CHD4: variants seen among roughly 807,000 people sequenced by gnomAD.
CHD4 encodes chromodomain helicase DNA binding protein 4.
In CHD4, 35 loss-of-function variants were observed where a neutral mutation model predicts 235.5. The ratio of observed to expected loss-of-function variants is 0.15; its 90% CI spans 0.11 to 0.20. CHD4 has a LOEUF of 0.20. Among genes scored for constraint, CHD4 ranks in the 10% least tolerant of loss-of-function variants. CHD4 has a pLI of 1.00. For synonymous variants in CHD4, 900 were observed against 850.2 expected (o/e 1.06, Z -1.02); for missense variants, 1,329 against 2,432.3 (o/e 0.55, Z 9.54).
chr12:6,573,295 G>T lies in CHD4; in HGVS notation c.5362-26C>A, dbSNP rs561461442. On this transcript the variant is annotated intron_variant, in intron 37 of 39. Coordinates refer to ENST00000544040, the MANE Select transcript of CHD4 (RefSeq NM_001273.5). Reference sequence around the variant, plus strand: ...CTGGACAAGGGATAAGAGGAAACGGGAGTTCGACTGATAACTCACTTTACT... The same window carrying T: ...CTGGACAAGGGATAAGAGGAAACGGTAGTTCGACTGATAACTCACTTTACT... 5.3e-6 allele frequency: 8 copies of T among 1,506,032 alleles called. No individual in the cohort carries two copies. In the South Asian group the frequency reaches 1.1e-4, roughly 21 times the overall value. The allele number at this position is 1,506,032 out of a possible 1,614,324, so 93.3% of individuals were successfully genotyped here.
rs543359652 is a variant in CHD4, at chr12:6,579,754, A to C, written c.4910-837T>G. On this transcript the variant is annotated intron_variant, in intron 33 of 39. Coordinates refer to ENST00000544040, the MANE Select transcript of CHD4 (RefSeq NM_001273.5). ...TGACAGAGTAAGACTCCGTCTCAAAAAAAAAAAAAAAAAAAATTTTGGCCA... is the reference window on the plus strand; with the variant it reads ...TGACAGAGTAAGACTCCGTCTCAAACAAAAAAAAAAAAAAAATTTTGGCCA... Among the ~76,000 whole-genome samples, 481 of 144,892 alleles carry C rather than the reference A, an allele frequency of 3.3e-3. 2 individuals carry two copies. Among genetic ancestry groups the C allele is most frequent in the Middle Eastern group, 7.9e-3 (2 of 254 alleles).
rs1948111028 is a variant in CHD4 at position 6,578,482 on chromosome 12, G to A, written c.5046C>T (p.Asp1682=). Reference sequence around the variant, plus strand: ...TTTTCTTCTGTTTCTCATCATTCAGGTCCTTGGGGGTCTCTCCATTCTGAA... The same window carrying A: ...TTTTCTTCTGTTTCTCATCATTCAGATCCTTGGGGGTCTCTCCATTCTGAA... The part of the protein sequence containing the change: ...VMLQNGETPK[D]LNDEKQKKNI... The change falls in exon 35 of 40, where the codon GAC becomes GAT. Residue 1682 remains aspartate, a synonymous_variant. Transcript: ENST00000544040. 2.5e-6 allele frequency: 4 copies of A among 1,613,702 alleles called. No individual in the cohort carries two copies. The highest frequency in any genetic ancestry group is 3.4e-6 in the Non-Finnish European group (4 of 1,179,950).
intron 25 of CHD4, chr12:6,584,231 TA>T: frequency 6.6e-6 from 1 of 152,312 alleles, no homozygotes; most frequent in South Asian, 2.1e-4. Flanking sequence ...AGTCTTTGGG[TA>T]CATATATGTG....
intron 31 of CHD4, 104 bp from the exon 32 acceptor site, chr12:6,581,492 T>C: frequency 6.6e-7 from 1 of 1,517,290 alleles, no homozygotes; most frequent in Non-Finnish European, 9.2e-7. Context: ...CTCGTGCCTT[T>C]AAGAGCCAGC....
intron 39 of CHD4, 63 bp downstream of exon 39, chr12:6,570,806 A>G (rs977443522): frequency 1.6e-5 from 25 of 1,612,010 alleles, no homozygotes; most frequent in Non-Finnish European, 1.8e-5. Flanking sequence ...GACATACAGC[A>G]AAGTTACAAG....
chr12:6,571,053 G>C, intron 38 of CHD4, 21 bp from the exon 39 acceptor site: 1 of 1,610,732 alleles, frequency 6.2e-7, no homozygotes. Flanking sequence ...AGAAAAAGAG[G>C]TGGTGAGCTG....
Position 6,570,149 on chromosome 12 carries a change from GTTTT to G in CHD4, c.*523_*526del, listed in dbSNP as rs1321895564. On this transcript the variant is annotated 3_prime_UTR_variant, in exon 40 of 40. Coordinates refer to ENST00000544040, the MANE Select transcript of CHD4 (RefSeq NM_001273.5). ...TTTGCTGTGGTTTTTTATGCTTTTG[GTTTT>G]TTCCTTTTTTTTTTTTTCCACTTTA... The G allele has an allele frequency of 6.6e-6, 1 of 150,666 alleles. No individual in the cohort carries two copies. Among genetic ancestry groups the G allele is most frequent in the Non-Finnish European group, 1.5e-5 (1 of 68,094 alleles). The allele number at this position is 150,666 out of a possible 1,614,324, so 9.3% of individuals were successfully genotyped here. A position where few individuals can be genotyped will look rare whatever the true frequency, so the allele number is the denominator to read the frequency against.
In CHD4 at chr12:6,602,410, G is replaced by C. The variant is rs1382699926; in HGVS notation, c.188C>G (p.Pro63Arg). 5.0e-6 allele frequency: 8 copies of C among 1,613,932 alleles called. No individual in the cohort carries two copies. In the South Asian group the frequency reaches 6.6e-5, roughly 13 times the overall value. Residue 63 changes from proline (P) to arginine (R), a missense_variant, in exon 3 of 40, where the codon CCT becomes CGT. This residue lies in a region of CHD4 where 213 missense variants were observed against 177.5 expected (regional missense o/e 1.20). Coordinates refer to ENST00000544040, the MANE Select transcript of CHD4 (RefSeq NM_001273.5). The part of the protein sequence containing the change: ...KKKKPKKPRD[P>R]KIPKSKRQKK... ...TTGGCGCTTGCTCTTAGGGATTTTA[G>C]GGTCCCGAGGTTTCTTAGGCTTTTT...
chr12:6,588,506 A>G, intron 22 of CHD4, 84 bp from the exon 23 acceptor site: 1 of 1,492,886 alleles, frequency 6.7e-7, no homozygotes, highest in Non-Finnish European at 9.1e-7. Flanking sequence ...AGCCGGGGGC[A>G]GTGGCTCATG....
intron 2 of CHD4, among the ~76,000 whole-genome samples, chr12:6,603,478 G>A (rs1948633663): frequency 6.7e-6 from 1 of 149,520 alleles, no homozygotes; most frequent in South Asian, 2.1e-4. Context: ...GCTCCTGACC[G>A]CAGAAGCCAG....
chr12:6,578,739 G>T lies in CHD4; in HGVS notation c.4981+107C>A, dbSNP rs538798178. On this transcript the variant is annotated intron_variant, in intron 34 of 39. Transcript: ENST00000544040. ...GGGGACAGGTACAGTCTTTTATCTT[G>T]GGATAAAATGGCTAGATGAGTATGG... 4.4e-6 allele frequency: 6 copies of T among 1,350,768 alleles called. No homozygotes were observed. The Admixed American group carries it at 5.4e-5, about 12-fold the overall frequency. 83.7% of individuals were successfully genotyped at this position (1,350,768 alleles called of 1,614,324 possible).
chr12:6,595,788 CAAAAAA>C (rs141382153), intron 13 of CHD4, among the ~76,000 whole-genome samples: 1 of 82,526 alleles, frequency 1.2e-5, no homozygotes, highest in Non-Finnish European at 2.6e-5. Context: ...GACTTCGTCT[CAAAAAA>C]AAAAAAAAAA....
At chr12:6,591,185 T>C (rs1192704585) in intron 22 of CHD4, 1 of 228,034 alleles carries the variant, frequency 4.4e-6, no homozygotes, top group Non-Finnish European at 8.4e-6. Context: ...ACAAGTCTGC[T>C]AGTAACTTGC....
At position 6,596,441 on chromosome 12, in the gene CHD4, G is replaced by A. The variant is rs147099416; in HGVS notation, c.1893-304C>T. On this transcript the variant is annotated intron_variant, in intron 12 of 39. Transcript: ENST00000544040. ...GAGGCAGGCAGATCGCTTGAGGCCA[G>A]GAGCTCAAGACCAGCCAGGCCAACA... Among the ~76,000 whole-genome samples, 547 of 150,970 alleles carry A rather than the reference G, an allele frequency of 3.6e-3. 3 individuals carry two copies. The highest frequency in any genetic ancestry group is 0.013 in the African/African-American group (525 of 40,998).
chr12:6,572,860 A>C, intron 38 of CHD4: 1 of 438,830 alleles, frequency 2.3e-6, no homozygotes, highest in Non-Finnish European at 3.9e-6. Context: ...GCGCCCGGCC[A>C]GGAGTCCATC....
At position 6,595,418 on chromosome 12, in the gene CHD4, C is replaced by A; in HGVS notation, c.2037G>T (p.Arg679Ser). ...TCTTGCCTGGTCGGCCTTCCTCACC[C>A]CTCATTAACTCCCTAAAGAAGAAAG... ...QSYWNHRELMRGEEGRPGKKL... is the reference protein window; with the variant it reads ...QSYWNHRELMSGEEGRPGKKL... Residue 679 changes from arginine (R) to serine (S), a missense_variant, in exon 14 of 40, where the codon AGG becomes AGT. This residue lies in a region of CHD4 where 121 missense variants were observed against 177.8 expected (regional missense o/e 0.68). Coordinates refer to ENST00000544040, the MANE Select transcript of CHD4 (RefSeq NM_001273.5). The A allele has an allele frequency of 6.2e-7, 1 of 1,613,930 alleles. No individual in the cohort carries two copies. The highest frequency in any genetic ancestry group is 8.5e-7 in the Non-Finnish European group (1 of 1,179,888).
chr12:6,604,887 G>A (rs1421909660), intron 2 of CHD4, among the ~76,000 whole-genome samples: 1 of 152,090 alleles, frequency 6.6e-6, no homozygotes, highest in African/African-American at 2.4e-5. Flanking sequence ...GCCAAGACGT[G>A]GAACCCAGAA....
At chr12:6,583,868 T>C (rs1361346961) in intron 25 of CHD4, 1 of 152,598 alleles carries the variant, frequency 6.6e-6, no homozygotes, top group East Asian at 1.9e-4. Context: ...TATAGCCTCT[T>C]ATGTCCCAAA....
rs199575698 is a variant in CHD4, at chr12:6,593,168, T to C, written c.2575A>G (p.Met859Val). Residue 859 changes from methionine to valine, a missense_variant, in exon 17 of 40, where the codon ATG becomes GTG. By Grantham distance (21) the Met-to-Val change is conservative. Coordinates refer to ENST00000544040, the MANE Select transcript of CHD4 (RefSeq NM_001273.5). This position sits in a 1 kb window ranked among gnomAD's most constrained non-coding sequence, Gnocchi z 4.9. ...LTSYELITID[M>V]AILGSIDWAC... ...CAATCAATAGAGCCCAAAATAGCCA[T>C]GTCAATGGTGATCAATTCATAGGAT... 24 of 1,614,058 alleles carry C rather than the reference T, an allele frequency of 1.5e-5. No individual in the cohort carries two copies. The highest frequency in any genetic ancestry group is 1.9e-5 in the Non-Finnish European group (23 of 1,180,034).
Sources: allele counts gnomAD v4.1 joint callset (sites outside exome capture counted in the v4.1 genomes callset), GRCh38; gene constraint gnomAD v4.1.1; regional missense constraint gnomAD v4.1.1; non-coding constraint Gnocchi (gnomAD v3.1); transcripts MANE v1.5; gene names NCBI Gene and HGNC (gene_info 2026-07-23, HGNC 2026-07-21).